FANCD2: variants seen among roughly 807,000 people sequenced by gnomAD.
FANCD2 encodes the protein FA complementation group D2.
Under a neutral mutation model 192.3 loss-of-function variants are expected in FANCD2, and 131 were observed. The observed-to-expected ratio is 0.68, with a 90% confidence interval of 0.59 to 0.79. The LOEUF is 0.79. FANCD2 is among the 30% of genes least tolerant of loss of function. The pLI, the probability that FANCD2 is intolerant of heterozygous loss-of-function variation, is 0.00. For synonymous variants in FANCD2, 524 were observed against 612.5 expected (o/e 0.86, Z 2.13); for missense variants, 1,508 against 1,701.6 (o/e 0.89, Z 2.00).
intron 17 of FANCD2, among the ~76,000 whole-genome samples, chr3:10,052,146 A>C (rs34447614): frequency 1.4e-3 from 211 of 152,306 alleles, no homozygotes; most frequent in African/African-American, 5.0e-3. Context: ...GTTAGTTCCT[A>C]GTCTCTGATA....
intron 32 of FANCD2, among the ~76,000 whole-genome samples, chr3:10,084,816 T>C (rs1694081471): frequency 6.6e-6 from 1 of 152,164 alleles, no homozygotes; most frequent in Admixed American, 6.5e-5. Context: ...ATAATTTAAA[T>C]GTTGTCCAGG....
intron 2 of FANCD2, 101 bp downstream of exon 2, chr3:10,028,822 T>C (rs1575723904): frequency 2.0e-6 from 2 of 1,015,140 alleles, no homozygotes; most frequent in African/African-American, 1.6e-5. Flanking sequence ...ATCTTCAAAG[T>C]GTAATGAATG....
intron 42 of FANCD2, 130 bp downstream of exon 42, chr3:10,096,602 G>A: frequency 1.2e-6 from 1 of 849,288 alleles, no homozygotes; most frequent in African/African-American, 1.7e-5. Flanking sequence ...GTCTGTGACT[G>A]TTTAACTCTT....
intron 5 of FANCD2, 50 bp from the exon 6 acceptor site, chr3:10,035,123 A>C: frequency 1.4e-6 from 2 of 1,472,448 alleles, no homozygotes; most frequent in Middle Eastern, 1.7e-4. Context: ...TGATAAAAGC[A>C]TTAAAACAAG....
intron 7 of FANCD2, among the ~76,000 whole-genome samples, chr3:10,038,667 G>A (rs1019495539): frequency 1.0e-4 from 15 of 144,790 alleles, no homozygotes; most frequent in South Asian, 2.2e-4. Flanking sequence ...TGCAACCTCC[G>A]CCTTCTGGGT....
chr3:10,091,699 A>G (rs1694620526), intron 37 of FANCD2, among the ~76,000 whole-genome samples: 2 of 151,950 alleles, frequency 1.3e-5, no homozygotes, highest in Admixed American at 1.3e-4. Flanking sequence ...AAGGAAATTA[A>G]ACTAGGAACT....
At chr3:10,065,556 A>G (rs763177575) in intron 24 of FANCD2, 62 bp downstream of exon 24, 12 of 1,122,548 alleles carry the variant, frequency 1.1e-5, no homozygotes, top group Non-Finnish European at 1.6e-5. Flanking sequence ...AACTTAGGGA[A>G]AGGGCAGATC....
intron 26 of FANCD2, among the ~76,000 whole-genome samples, chr3:10,069,952 C>T (rs1693095772): frequency 6.6e-6 from 1 of 151,326 alleles, no homozygotes; most frequent in South Asian, 2.1e-4. Context: ...GCCTCTCTGC[C>T]AGGCTGCCCA....
chr3:10,041,974 C>G (rs2086875938), intron 10 of FANCD2, among the ~76,000 whole-genome samples: 1 of 150,754 alleles, frequency 6.6e-6, no homozygotes, highest in Non-Finnish European at 1.5e-5. Context: ...TCTCCGCTAA[C>G]TGCAACCTCT....
At chr3:10,042,210 TA>T (rs2086883320) in intron 10 of FANCD2, among the ~76,000 whole-genome samples, 1 of 152,206 alleles carries the variant, frequency 6.6e-6, no homozygotes, top group African/African-American at 2.4e-5. Context: ...GGTCTGTTTT[TA>T]AGCAGTAAGT....
At chr3:10,062,260 T>A (rs751294144) in intron 20 of FANCD2, 49 bp downstream of exon 20, 14 of 1,469,868 alleles carry the variant, frequency 9.5e-6, no homozygotes, top group East Asian at 2.3e-5. Context: ...TTTTTTTTTT[T>A]TAGAGAGTCT....
chr3:10,057,530 A>G (rs1043237662), intron 18 of FANCD2, among the ~76,000 whole-genome samples: 1 of 151,982 alleles, frequency 6.6e-6, no homozygotes, highest in Non-Finnish European at 1.5e-5. Flanking sequence ...ACGCCCAGTT[A>G]ATTTTTGTAT....
Position 10,043,068 on chromosome 3 carries a change from G to C in FANCD2, c.907G>C (p.Glu303Gln). ...DTLEVISELR[E>Q]KLDLQHCVLP... ...TCTGCAGGTAATTTCTGAGCTTCGG[G>C]AGAAGTTGGATCTGCAGCATTGTGT... The change falls in exon 12 of 44, where the codon GAG becomes CAG. Residue 303 changes from glutamate (E) to glutamine (Q), a missense_variant. Coordinates refer to ENST00000675286, the MANE Select transcript of FANCD2 (RefSeq NM_001018115.3). The C allele has an allele frequency of 6.2e-7, 1 of 1,614,098 alleles. No homozygotes were observed. Among genetic ancestry groups the C allele is most frequent in the Non-Finnish European group, 8.5e-7 (1 of 1,180,004 alleles).
At chr3:10,085,514 C>A (rs1694135838) in intron 32 of FANCD2, among the ~76,000 whole-genome samples, 1 of 151,714 alleles carries the variant, frequency 6.6e-6, no homozygotes, top group African/African-American at 2.4e-5. Flanking sequence ...GCCTCAGCCT[C>A]TGGAGTAGCT....
rs1270271820 is a variant in FANCD2 at position 10,092,164 on chromosome 3, A to G, written c.3778-17A>G. Reference sequence around the variant, plus strand: ...TTGGCTGTGACTCAGAGGTGCCCATATATTTGGCTGCCCCAGATTCATGAA... The same window carrying G: ...TTGGCTGTGACTCAGAGGTGCCCATGTATTTGGCTGCCCCAGATTCATGAA... On this transcript the variant is annotated splice_polypyrimidine_tract_variant and intron_variant, in intron 37 of 43. Coordinates refer to ENST00000675286, the MANE Select transcript of FANCD2 (RefSeq NM_001018115.3). 3 of 1,601,802 alleles carry G rather than the reference A, an allele frequency of 1.9e-6. No homozygotes were observed. Among genetic ancestry groups the G allele is most frequent in the African/African-American group, 1.3e-5 (1 of 74,674 alleles).
At chr3:10,090,004 A>C (rs1004005322) in intron 36 of FANCD2, among the ~76,000 whole-genome samples, 4 of 152,234 alleles carry the variant, frequency 2.6e-5, no homozygotes, top group Non-Finnish European at 5.9e-5. Context: ...CGTGCAATAA[A>C]ATAAACATAG....
intron 14 of FANCD2, among the ~76,000 whole-genome samples, chr3:10,044,151 C>T (rs576601472): frequency 1.3e-5 from 2 of 152,260 alleles, no homozygotes; most frequent in South Asian, 4.1e-4. Context: ...GAAGCCAGGT[C>T]CCCACTGATG....
intron 8 of FANCD2, 42 bp downstream of exon 8, chr3:10,039,399 T>C: frequency 6.8e-7 from 1 of 1,474,746 alleles, no homozygotes; most frequent in Non-Finnish European, 9.5e-7. Context: ...AAGAGTATGT[T>C]TCTCATATCT....
At chr3:10,097,165 A>G (rs1695019615) in intron 42 of FANCD2, among the ~76,000 whole-genome samples, 1 of 152,212 alleles carries the variant, frequency 6.6e-6, no homozygotes, top group Non-Finnish European at 1.5e-5. Context: ...AGGCAAGTGG[A>G]GGCAGGGTGA....
Sources: gnomAD v4.1 joint callset for allele counts (sites outside exome capture counted in the v4.1 genomes callset) on GRCh38, gnomAD v4.1.1 for gene constraint, MANE v1.5 for transcripts, NCBI Gene and HGNC (gene_info 2026-07-23, HGNC 2026-07-21) for gene names.